The following CRTAC1 variants were observed in gnomAD, a reference collection of about 807,000 sequenced individuals.
CRTAC1 encodes cartilage acidic protein 1, also known as acidic secreted protein in cartilage.
In CRTAC1, 37 loss-of-function variants were observed where a neutral mutation model predicts 67.8. The ratio of observed to expected loss-of-function variants is 0.55; its 90% confidence interval spans 0.42 to 0.72. The LOEUF is 0.72. Among genes scored for constraint, CRTAC1 ranks in the 30% least tolerant of loss-of-function variants. CRTAC1 has a pLI of 0.00. For missense variants in CRTAC1, 780 were observed against 931.6 expected, an observed-to-expected ratio of 0.84 and a Z score of 2.12; for synonymous variants, 348 against 371.0, an observed-to-expected ratio of 0.94 and a Z score of 0.71.
chr10:98,008,603 G>C (rs1842845339), intron 2 of CRTAC1, among the ~76,000 whole-genome samples: 2 of 152,150 alleles, frequency 1.3e-5, no homozygotes, highest in South Asian at 4.1e-4. Flanking sequence ...TCCATGCTCT[G>C]AAAGGCTTTC....
intron 3 of CRTAC1, among the ~76,000 whole-genome samples, chr10:97,927,711 C>A (rs1429505627): frequency 6.6e-6 from 1 of 152,262 alleles, no homozygotes; most frequent in African/African-American, 2.4e-5. Context: ...AAATCAATGG[C>A]AGCCCTTCTG....
intron 2 of CRTAC1, among the ~76,000 whole-genome samples, chr10:97,994,833 T>C (rs1336319637): frequency 6.6e-6 from 1 of 152,214 alleles, no homozygotes; most frequent in Non-Finnish European, 1.5e-5. Flanking sequence ...AGGAGTATTC[T>C]TCCCAGAAGG....
intron 2 of CRTAC1, among the ~76,000 whole-genome samples, chr10:97,988,503 C>T (rs2052021600): frequency 6.6e-6 from 1 of 152,124 alleles, no homozygotes; most frequent in African/African-American, 2.4e-5. Context: ...AGGCGGATCA[C>T]TTGAGGTCAG....
At chr10:97,927,303 C>A (rs1036715313) in intron 3 of CRTAC1, among the ~76,000 whole-genome samples, 16 of 152,220 alleles carry the variant, frequency 1.1e-4, no homozygotes, top group African/African-American at 3.9e-4. Flanking sequence ...ATCATGTGAG[C>A]TTGGGAAAGA....
intron 2 of CRTAC1, among the ~76,000 whole-genome samples, chr10:97,990,897 A>G (rs772208449): frequency 6.6e-6 from 1 of 152,204 alleles, no homozygotes; most frequent in Non-Finnish European, 1.5e-5. Context: ...GTCTGTAGAC[A>G]ACACCATATT....
At chr10:97,948,711 TG>T (rs1166339732) in intron 2 of CRTAC1, among the ~76,000 whole-genome samples, 2 of 152,196 alleles carry the variant, frequency 1.3e-5, no homozygotes, top group Non-Finnish European at 2.9e-5. Flanking sequence ...AGTAATATCC[TG>T]TATTAGTTCA....
chr10:97,944,855 G>A (rs2051240213), intron 2 of CRTAC1, among the ~76,000 whole-genome samples: 1 of 152,198 alleles, frequency 6.6e-6, no homozygotes, highest in Admixed American at 6.5e-5. Flanking sequence ...GAGAGGCCAT[G>A]TGAAAGAGCA....
intron 2 of CRTAC1, among the ~76,000 whole-genome samples, chr10:97,956,384 G>C (rs2051440997): frequency 6.6e-6 from 1 of 152,176 alleles, no homozygotes; most frequent in Non-Finnish European, 1.5e-5. Context: ...ACAGTGCACG[G>C]ATCAGACTGG....
At chr10:97,984,171 C>A (rs565113261) in intron 2 of CRTAC1, among the ~76,000 whole-genome samples, 2 of 152,302 alleles carry the variant, frequency 1.3e-5, no homozygotes, top group African/African-American at 2.4e-5. Context: ...GGGTCTCAGA[C>A]TGCATGTAGA....
Position 97,936,289 on chromosome 10 carries a change from C to T in CRTAC1, c.302G>A (p.Ser101Asn). The T allele has an allele frequency of 6.2e-7, 1 of 1,614,048 alleles. No homozygotes were observed. Among genetic ancestry groups the T allele is most frequent in the Non-Finnish European group, 8.5e-7 (1 of 1,179,894 alleles). Reference protein sequence around the residue: ...RLVNIAVDERSSPYYALRDRQ... With the variant: ...RLVNIAVDERNSPYYALRDRQ... ...GTCCCGCAGCGCGTAGTAGGGTGAG[C>T]TGCGCTCATCGACCGCGATGTTCAC... Residue 101 changes from serine to asparagine, a missense_variant, in exon 3 of 15, where the codon AGC (serine) becomes AAC (asparagine). By Grantham distance (46) the Ser-to-Asn change is conservative (BLOSUM62 1). Coordinates refer to ENST00000370597, the MANE Select transcript of CRTAC1 (RefSeq NM_018058.7).
chr10:97,973,371 G>A (rs73334613), intron 2 of CRTAC1, among the ~76,000 whole-genome samples: 6 of 151,644 alleles, frequency 4.0e-5, no homozygotes, highest in African/African-American at 9.7e-5. Context: ...GCTCTTTTTC[G>A]TGCCTGAAAT....
chr10:97,913,114 C>CAGAG (rs71488844), intron 5 of CRTAC1, among the ~76,000 whole-genome samples: 25,648 of 149,160 alleles, frequency 0.17, 2,192 homozygotes, highest in South Asian at 0.29. Flanking sequence ...GGAATGGGCA[C>CAGAG]AGAGAGAGAG....
In CRTAC1 at chr10:98,018,630, G is replaced by C. The variant is rs1212952141; in HGVS notation, c.25-7293C>G. ...GTGGGGTCAGGCAGCTGTGGGGAAA[G>C]TCTTCCAGGGCAATTTTCGGGGCAA... On this transcript the variant is annotated intron_variant, in intron 1 of 14. Coordinates refer to ENST00000370597, the MANE Select transcript of CRTAC1 (RefSeq NM_018058.7). Among the ~76,000 whole-genome samples the C allele has an allele frequency of 2.0e-5, 3 of 152,200 alleles. No homozygotes were observed. The East Asian group carries it at 5.8e-4, about 29-fold the overall frequency.
In CRTAC1 at chr10:98,023,949, C is replaced by T. The variant is rs185767712; in HGVS notation, c.24+6500G>A. 2.3e-4 allele frequency among the ~76,000 whole-genome samples: 35 copies of T among 152,360 alleles called. No individual in the cohort carries two copies. The East Asian group carries it at 4.2e-3, about 18-fold the overall frequency. On this transcript the variant is annotated intron_variant, in intron 1 of 14. Coordinates refer to ENST00000370597, the MANE Select transcript of CRTAC1 (RefSeq NM_018058.7). ...GCTGTTCCCACCAATCCTATAAGAG[C>T]GCCTCTGCCCTTCTGGGAGGGGAAC...
At chr10:97,953,895 G>A (rs2051399725) in intron 2 of CRTAC1, among the ~76,000 whole-genome samples, 1 of 152,216 alleles carries the variant, frequency 6.6e-6, no homozygotes, top group South Asian at 2.1e-4. Flanking sequence ...ACCAGTGAGT[G>A]CAGAACTAGC....
In CRTAC1 at chr10:97,960,265, G is replaced by T. The variant is rs2051505487; in HGVS notation, c.225-23899C>A. On this transcript the variant is annotated intron_variant, in intron 2 of 14. Transcript: ENST00000370597. ...AGCCTCCTTCATTGTTTGGCACACA[G>T]TATTAATAGATGGTCAATAAATTGT... is the stretch of plus-strand genomic sequence containing the variant. 2.0e-5 allele frequency among the ~76,000 whole-genome samples: 3 copies of T among 152,218 alleles called. No homozygotes were observed. In the South Asian group the frequency reaches 6.2e-4, roughly 32 times the overall value.
intron 2 of CRTAC1, among the ~76,000 whole-genome samples, chr10:97,991,451 A>G (rs1439046960): frequency 8.6e-6 from 1 of 116,176 alleles, no homozygotes; most frequent in Non-Finnish European, 1.9e-5. Flanking sequence ...AATAAATAAG[A>G]TAAAAAGAAA....
chr10:98,025,334 G>A (rs1362516057), intron 1 of CRTAC1, among the ~76,000 whole-genome samples: 1 of 152,112 alleles, frequency 6.6e-6, no homozygotes, highest in Non-Finnish European at 1.5e-5. Context: ...GTGGATACTA[G>A]TAGCACCCCA....
chr10:97,896,344 A>G (rs1282219023), intron 9 of CRTAC1, among the ~76,000 whole-genome samples: 1 of 152,166 alleles, frequency 6.6e-6, no homozygotes, highest in Non-Finnish European at 1.5e-5. Context: ...TTGCATATAC[A>G]TAGGCTCCTT....
Sources: gnomAD v4.1 joint callset for allele counts (sites outside exome capture counted in the v4.1 genomes callset) on GRCh38, gnomAD v4.1.1 for gene constraint, MANE v1.5 for transcripts, NCBI Gene and HGNC (gene_info 2026-07-23, HGNC 2026-07-21) for gene names.